Variants in HPSE2 observed in about 807,000 individuals in gnomAD.
HPSE2 encodes the protein heparanase 2 (inactive).
In HPSE2, 38 loss-of-function variants were observed where a neutral mutation model predicts 60.5. The observed-to-expected ratio is 0.63, with a 90% CI of 0.48 to 0.82. The LOEUF (loss-of-function observed/expected upper bound fraction) is 0.82, where lower values mean the gene tolerates loss of function less well. HPSE2 is among the 40% of genes least tolerant of loss of function. The probability of loss-of-function intolerance (pLI) is 0.00; values close to 1 mark genes in which losing one functional copy is unlikely to be tolerated. For synonymous variants in HPSE2, 295 were observed against 293.2 expected, an observed-to-expected ratio of 1.01 and a Z score of -0.06; for missense variants, 713 against 740.4, an observed-to-expected ratio of 0.96 and a Z score of 0.43.
chr10:99,084,793 A>C (rs1843263105), intron 3 of HPSE2, among the ~76,000 whole-genome samples: 2 of 152,258 alleles, frequency 1.3e-5, no homozygotes, highest in South Asian at 4.1e-4. Flanking sequence ...AGAAGTAAAC[A>C]GAGTAAAATC....
At chr10:98,960,383 G>A (rs1955621438) in intron 3 of HPSE2, among the ~76,000 whole-genome samples, 1 of 151,980 alleles carries the variant, frequency 6.6e-6, no homozygotes, top group Non-Finnish European at 1.5e-5. Flanking sequence ...TCTATTTATG[G>A]CAACTGAATT....
At chr10:98,835,377 A>G (rs1951768155) in intron 3 of HPSE2, among the ~76,000 whole-genome samples, 2 of 152,182 alleles carry the variant, frequency 1.3e-5, no homozygotes, top group South Asian at 4.1e-4. Context: ...ATACACACAC[A>G]AAAATGAACA....
chr10:99,151,611 GA>G (rs1450748583), intron 2 of HPSE2, among the ~76,000 whole-genome samples: 1 of 151,994 alleles, frequency 6.6e-6, no homozygotes, highest in Admixed American at 6.6e-5. Context: ...AAGCACGGAG[GA>G]AAAAAACTAA....
chr10:98,934,599 T>C (rs550344009), intron 3 of HPSE2, among the ~76,000 whole-genome samples: 2 of 144,336 alleles, frequency 1.4e-5, no homozygotes, highest in Non-Finnish European at 3.0e-5. Context: ...ATGTTGAACA[T>C]TGGCCCCCAA....
At chr10:98,947,218 G>A (rs772848723) in intron 3 of HPSE2, among the ~76,000 whole-genome samples, 1 of 152,174 alleles carries the variant, frequency 6.6e-6, no homozygotes, top group South Asian at 2.1e-4. Context: ...ATTCCAGAAA[G>A]TGTGAAAACC....
At chr10:98,985,328 G>A (rs1956314644) in intron 3 of HPSE2, among the ~76,000 whole-genome samples, 1 of 152,180 alleles carries the variant, frequency 6.6e-6, no homozygotes, top group Non-Finnish European at 1.5e-5. Context: ...GAGAGTGGGG[G>A]CCAATATTCA....
chr10:99,306,002 C>CACACACACACAA, the HPSE2 span, among the ~76,000 whole-genome samples: 2 of 150,406 alleles, frequency 1.3e-5, no homozygotes, highest in Non-Finnish European at 1.5e-5. Flanking sequence ...CACACACACA[C>CACACACACACAA]ACACACACAC....
chr10:98,810,304 A>G (rs564021259), intron 3 of HPSE2, among the ~76,000 whole-genome samples: 1 of 152,252 alleles, frequency 6.6e-6, no homozygotes, highest in Admixed American at 6.5e-5. Context: ...TGAAACTAAT[A>G]CAATTTAGGG....
chr10:98,676,882 T>C (rs1688693755), intron 6 of HPSE2, among the ~76,000 whole-genome samples: 1 of 152,136 alleles, frequency 6.6e-6, no homozygotes, highest in Non-Finnish European at 1.5e-5. Context: ...AACCTGCTTT[T>C]AGAAAGTTGT....
intron 3 of HPSE2, among the ~76,000 whole-genome samples, chr10:98,967,955 T>C (rs1237444542): frequency 2.0e-5 from 3 of 152,146 alleles, no homozygotes; most frequent in African/African-American, 7.2e-5. Flanking sequence ...GTTATACATA[T>C]GACTCACTTA....
intron 3 of HPSE2, among the ~76,000 whole-genome samples, chr10:98,934,692 C>T (rs1954741535): frequency 7.0e-6 from 1 of 143,784 alleles, no homozygotes; most frequent in Non-Finnish European, 1.5e-5. Context: ...TGGCCTTTCT[C>T]TCTTAGTGCC....
chr10:98,994,149 G>A (rs1956591018), intron 3 of HPSE2, among the ~76,000 whole-genome samples: 1 of 152,176 alleles, frequency 6.6e-6, no homozygotes. Context: ...GCCTGAGGGT[G>A]GGGAAAATCC....
chr10:98,521,116 C>A (rs563914910), intron 9 of HPSE2, among the ~76,000 whole-genome samples: 32 of 152,246 alleles, frequency 2.1e-4, no homozygotes, highest in African/African-American at 6.0e-4. Flanking sequence ...AAAGCAATGG[C>A]AACAAAAGCC....
chr10:98,753,397 G>A (rs1449890081), intron 3 of HPSE2, among the ~76,000 whole-genome samples: 1 of 152,050 alleles, frequency 6.6e-6, no homozygotes, highest in African/African-American at 2.4e-5. Context: ...TCACTCCTAG[G>A]TATATATCCA....
intron 11 of HPSE2, among the ~76,000 whole-genome samples, chr10:98,469,771 A>G (rs1940699330): frequency 6.6e-6 from 1 of 152,178 alleles, no homozygotes. Flanking sequence ...TGTACTTCCA[A>G]ACCCTTAGTG....
chr10:98,725,156 A>G (rs1256317745), intron 4 of HPSE2, among the ~76,000 whole-genome samples: 1 of 152,162 alleles, frequency 6.6e-6, no homozygotes, highest in Non-Finnish European at 1.5e-5. Flanking sequence ...TTCATATGGA[A>G]CCAAAAAAGA....
intron 3 of HPSE2, among the ~76,000 whole-genome samples, chr10:98,954,994 ATATT>A (rs1789789966): frequency 4.1e-5 from 6 of 148,000 alleles, no homozygotes; most frequent in African/African-American, 1.5e-4. Context: ...ATATATATAC[ATATT>A]TATTTATATA....
At chr10:99,259,879 C>G in the HPSE2 span, among the ~76,000 whole-genome samples, 1 of 152,298 alleles carries the variant, frequency 6.6e-6, no homozygotes, top group East Asian at 1.9e-4. Flanking sequence ...TGTGCAGGAT[C>G]TAGGCTGTGT....
intron 6 of HPSE2, among the ~76,000 whole-genome samples, chr10:98,671,467 G>T (rs1240951771): frequency 6.6e-6 from 1 of 152,162 alleles, no homozygotes; most frequent in African/African-American, 2.4e-5. Context: ...ACACTATAAA[G>T]GAGGATAATC....
Sources: allele counts gnomAD v4.1 joint callset (sites outside exome capture counted in the v4.1 genomes callset), GRCh38; gene constraint gnomAD v4.1.1; transcripts MANE v1.5; gene names NCBI Gene and HGNC (gene_info 2026-07-23, HGNC 2026-07-21).